Variants in MLIP observed in about 807,000 individuals in gnomAD.
The protein encoded by MLIP is muscular LMNA interacting protein, also known as muscular LMNA-interacting protein.
In MLIP, 79 loss-of-function variants were observed where a neutral mutation model predicts 84.8. That is an observed-to-expected ratio of 0.93 (90% CI 0.78 to 1.12). MLIP has a LOEUF of 1.12. Ranked by LOEUF, MLIP falls within the 50% of genes most tolerant of loss-of-function variation. MLIP has a pLI of 0.00. For missense variants in MLIP, 1,257 were observed against 1,160.6 expected (o/e 1.08, Z -1.21); for synonymous variants, 504 against 463.0 (o/e 1.09, Z -1.14).
At chr6:54,048,093 G>A (rs1765170979) in intron 1 of MLIP, among the ~76,000 whole-genome samples, 1 of 152,188 alleles carries the variant, frequency 6.6e-6, no homozygotes, top group Non-Finnish European at 1.5e-5. Flanking sequence ...TGAGAAGGGA[G>A]GTGGTACTGT....
chr6:54,159,601 C>G (rs1454951711), intron 5 of MLIP, among the ~76,000 whole-genome samples: 1 of 151,842 alleles, frequency 6.6e-6, no homozygotes, highest in Admixed American at 6.6e-5. Context: ...TATCTGGTCA[C>G]AATGAAGTAG....
chr6:54,121,677 G>A, intron 2 of MLIP, 75 bp downstream of exon 2: 1 of 1,167,326 alleles, frequency 8.6e-7, no homozygotes, highest in Non-Finnish European at 1.2e-6. Context: ...GGAAATTTGT[G>A]TATATTTCCT....
chr6:54,033,454 A>T (rs1233286843), intron 1 of MLIP, among the ~76,000 whole-genome samples: 4 of 151,920 alleles, frequency 2.6e-5, no homozygotes, highest in Non-Finnish European at 5.9e-5. Context: ...TTTAGTAGAG[A>T]CAGGATTTCA....
At chr6:54,058,513 G>A (rs1765787769) in intron 1 of MLIP, among the ~76,000 whole-genome samples, 1 of 152,130 alleles carries the variant, frequency 6.6e-6, no homozygotes, top group Non-Finnish European at 1.5e-5. Context: ...ATGGCCATCT[G>A]CCTACTTTAT....
intron 9 of MLIP, among the ~76,000 whole-genome samples, chr6:54,177,856 A>G (rs952947542): frequency 1.3e-5 from 2 of 152,320 alleles, no homozygotes; most frequent in Admixed American, 1.3e-4. Context: ...ATGGAATACT[A>G]TGTAGCCATA....
In MLIP at chr6:54,230,926, T is replaced by G; in HGVS notation, c.2922+9T>G. 1 of 1,613,300 alleles carries G rather than the reference T, an allele frequency of 6.2e-7. No individual in the cohort carries two copies. The highest frequency in any genetic ancestry group is 1.3e-5 in the African/African-American group (1 of 75,008). On this transcript the variant is annotated intron_variant, in intron 12 of 13. Transcript: ENST00000502396. ...ACAACGCATGCAACAAGGTGAGAAC[T>G]CCTCCCCAAAATGAGGACTATTCTA...
intron 11 of MLIP, among the ~76,000 whole-genome samples, chr6:54,221,356 C>G (rs144869591): frequency 1.2e-3 from 180 of 151,934 alleles, no homozygotes; most frequent in Non-Finnish European, 2.2e-3. Flanking sequence ...AAAAAGAACT[C>G]CAGAGTGAAT....
chr6:54,176,455 T>C (rs1420938615), intron 9 of MLIP, among the ~76,000 whole-genome samples: 1 of 152,062 alleles, frequency 6.6e-6, no homozygotes, highest in Non-Finnish European at 1.5e-5. Flanking sequence ...TTCTTCATGG[T>C]TCAGTCTTGA....
chr6:54,109,934 T>TTCCTTCCTTCC (rs1769314728), upstream of MLIP, among the ~76,000 whole-genome samples: 1 of 113,394 alleles, frequency 8.8e-6, no homozygotes, highest in African/African-American at 3.4e-5. Flanking sequence ...TCTTCCTTCC[T>TTCCTTCCTTCC]TCCTTCCTTC....
At chr6:54,223,297 A>G in intron 11 of MLIP, among the ~76,000 whole-genome samples, 1 of 6,878 alleles carries the variant, frequency 1.5e-4, no homozygotes, top group Non-Finnish European at 0.012. Context: ...CTGTCGTATC[A>G]ACAAACAAAC....
chr6:54,217,212 T>G (rs1252080369), intron 11 of MLIP: 1 of 985,264 alleles, frequency 1.0e-6, no homozygotes, highest in Non-Finnish European at 1.2e-6. Context: ...GGGGACAGCA[T>G]GAGTGAAGAG....
chr6:54,164,354 G>C (rs2145759), intron 8 of MLIP, among the ~76,000 whole-genome samples: 84,240 of 151,700 alleles, frequency 0.56, 25,052 homozygotes, highest in South Asian at 0.7. Context: ...CCTTCAAGAG[G>C]AATCCTTGAT....
intron 1 of MLIP, among the ~76,000 whole-genome samples, chr6:54,026,714 A>AGTGTGTGT (rs61442646): frequency 4.3e-4 from 65 of 149,904 alleles, no homozygotes; most frequent in Non-Finnish European, 6.8e-4. Flanking sequence ...CTGTGTCTTC[A>AGTGTGTGT]GTGTGTGTGT....
upstream of MLIP, among the ~76,000 whole-genome samples, chr6:54,109,563 C>A (rs1220470913): frequency 2.6e-5 from 4 of 151,882 alleles, no homozygotes; most frequent in Non-Finnish European, 4.4e-5. Context: ...AGCCCTCTCT[C>A]TTTGCTTGAA....
At chr6:54,238,184 G>A (rs1021097788) in intron 12 of MLIP, among the ~76,000 whole-genome samples, 3 of 151,970 alleles carry the variant, frequency 2.0e-5, no homozygotes, top group East Asian at 3.9e-4. Context: ...ATTCTTCCTA[G>A]GCACCATAAG....
At chr6:54,182,172 A>T (rs543836140) in intron 9 of MLIP, among the ~76,000 whole-genome samples, 2 of 152,274 alleles carry the variant, frequency 1.3e-5, no homozygotes, top group East Asian at 3.9e-4. Context: ...AGCCTTTCCA[A>T]GAGAGTCAAC....
At chr6:54,253,946 T>C (rs144489080) in intron 12 of MLIP, among the ~76,000 whole-genome samples, 3,355 of 151,940 alleles carry the variant, frequency 0.022, 72 homozygotes, top group Non-Finnish European at 0.033. Flanking sequence ...CCATGTTAAA[T>C]AATGCTCTCA....
intron 11 of MLIP, among the ~76,000 whole-genome samples, chr6:54,224,590 T>G (rs1360492911): frequency 6.6e-6 from 1 of 152,096 alleles, no homozygotes; most frequent in East Asian, 1.9e-4. Context: ...TATTATTATT[T>G]TATTTTTACA....
chr6:54,111,233 C>A (rs761969971), upstream of MLIP, among the ~76,000 whole-genome samples: 2 of 151,360 alleles, frequency 1.3e-5, no homozygotes, highest in African/African-American at 2.4e-5. Flanking sequence ...TTTTCTTTTT[C>A]TTTTTTTCAC....
Sources: gnomAD v4.1 joint callset for allele counts (sites outside exome capture counted in the v4.1 genomes callset) on GRCh38, gnomAD v4.1.1 for gene constraint, MANE v1.5 for transcripts, NCBI Gene and HGNC (gene_info 2026-07-23, HGNC 2026-07-21) for gene names.